The following ATIC variants were observed in gnomAD, a reference collection of about 807,000 sequenced individuals.
ATIC encodes 5-aminoimidazole-4-carboxamide ribonucleotide formyltransferase/IMP cyclohydrolase, also known as bifunctional purine biosynthesis protein ATIC.
A neutral mutation model predicts 72.5 loss-of-function variants in ATIC; 64 were observed. The ratio of observed to expected loss-of-function variants is 0.88; its 90% CI spans 0.72 to 1.09. The LOEUF is 1.09. ATIC is among the 50% of genes least tolerant of loss of function. The probability of loss-of-function intolerance (pLI) is 0.00; values close to 1 mark genes in which losing one functional copy is unlikely to be tolerated. For missense variants in ATIC, 787 were observed against 732.4 expected, an observed-to-expected ratio of 1.07 and a Z score of -0.86; for synonymous variants, 281 against 267.1, an observed-to-expected ratio of 1.05 and a Z score of -0.51.
Position 215,344,830 on chromosome 2 carries a change from T to C in ATIC, c.1279T>C (p.Tyr427His). The stretch of plus-strand genomic sequence containing the variant: ...CATCGTAGCCACCATTGCTGTCAAG[T>C]ACACTCAGTCTAACTCTGTGTGCTA... ...DLIVATIAVK[Y>H]TQSNSVCYAK... Residue 427 changes from tyrosine (Y) to histidine (H), a missense_variant, in exon 13 of 16, where the codon TAC becomes CAC. Transcript: ENST00000236959. 1 of 1,614,124 alleles carries C rather than the reference T, an allele frequency of 6.2e-7. No homozygotes were observed. Among genetic ancestry groups the C allele is most frequent in the Non-Finnish European group, 8.5e-7 (1 of 1,180,012 alleles).
At chr2:215,323,680 T>C (rs1293341346) in intron 4 of ATIC, among the ~76,000 whole-genome samples, 2 of 152,238 alleles carry the variant, frequency 1.3e-5, no homozygotes, top group African/African-American at 4.8e-5. Flanking sequence ...TTCTTTCCAG[T>C]CCTGATGCCT....
chr2:215,317,214 T>G (rs1442354132), intron 2 of ATIC, among the ~76,000 whole-genome samples: 1 of 152,224 alleles, frequency 6.6e-6, no homozygotes, highest in Non-Finnish European at 1.5e-5. Context: ...CTTTGTCACA[T>G]TGTGTGATTA....
intron 12 of ATIC, among the ~76,000 whole-genome samples, chr2:215,342,383 G>A (rs2053028442): frequency 6.6e-6 from 1 of 152,146 alleles, no homozygotes; most frequent in Non-Finnish European, 1.5e-5. Context: ...GATAAAAGTT[G>A]TAGATTCATA....
intron 2 of ATIC, among the ~76,000 whole-genome samples, chr2:215,317,083 A>G (rs1176206915): frequency 2.0e-5 from 3 of 152,096 alleles, no homozygotes; most frequent in African/African-American, 7.2e-5. Flanking sequence ...TTTTTCTTAT[A>G]TATTGTGGGC....
the ATIC span, chr2:215,360,950 A>G: frequency 6.5e-6 from 1 of 154,256 alleles, no homozygotes; most frequent in South Asian, 2.0e-4. Flanking sequence ...ATCACCCACC[A>G]TAATTATACC....
chr2:215,366,532 G>C, the ATIC span, among the ~76,000 whole-genome samples: 2 of 152,202 alleles, frequency 1.3e-5, no homozygotes, highest in African/African-American at 4.8e-5. Context: ...TGGTTCTGTG[G>C]AATATCTAAA....
downstream of ATIC, among the ~76,000 whole-genome samples, chr2:215,350,336 T>C (rs970431379): frequency 1.3e-5 from 2 of 152,156 alleles, no homozygotes; most frequent in Non-Finnish European, 2.9e-5. Context: ...GGTTTCACCA[T>C]GTTGGTCAGG....
At chr2:215,361,749 G>C in the ATIC span, 1 of 1,018,216 alleles carries the variant, frequency 9.8e-7, no homozygotes, top group African/African-American at 1.6e-5. Flanking sequence ...TTTCTTCCTA[G>C]TTTCAAGAAC....
At chr2:215,318,882 CT>C (rs2052737993) in intron 3 of ATIC, among the ~76,000 whole-genome samples, 1 of 150,798 alleles carries the variant, frequency 6.6e-6, no homozygotes. Flanking sequence ...AAATATATCT[CT>C]CTTTTTTTTT....
intron 13 of ATIC, 27 bp from the exon 14 acceptor site, chr2:215,346,732 G>C: frequency 6.2e-7 from 1 of 1,612,476 alleles, no homozygotes; most frequent in African/African-American, 1.3e-5. Flanking sequence ...TGGAAGAGGT[G>C]TTCACTTTAA....
chr2:215,361,862 T>TG, the ATIC span: 1 of 961,116 alleles, frequency 1.0e-6, no homozygotes, highest in Non-Finnish European at 1.4e-6. Context: ...TTATGAGTTG[T>TG]TTTTTTTTTT....
the ATIC span, chr2:215,368,078 T>G: frequency 6.3e-6 from 10 of 1,583,514 alleles, no homozygotes; most frequent in African/African-American, 6.7e-5. Context: ...TTAATCGATT[T>G]GGACCATAAG....
Position 215,346,768 on chromosome 2 carries a change from A to T in ATIC, c.1330A>T (p.Ile444Phe), listed in dbSNP as rs765583550. The T allele has an allele frequency of 6.2e-7, 1 of 1,614,170 alleles. No individual in the cohort carries two copies. Among genetic ancestry groups the T allele is most frequent in the Non-Finnish European group, 8.5e-7 (1 of 1,180,014 alleles). Residue 444 changes from isoleucine (I) to phenylalanine (F), a missense_variant, in exon 14 of 16, where the codon ATT (isoleucine) becomes TTT (phenylalanine). Ile to Phe is a conservative substitution (Grantham distance 21). Transcript: ENST00000236959. The part of the protein sequence containing the change: ...CYAKNGQVIG[I>F]GAGQQSRIHC... ...TGTCTGTGTTCCTCAGGTTATCGGC[A>T]TTGGAGCAGGACAGCAGTCTCGTAT...
chr2:215,334,496 C>T (rs1210807978), intron 9 of ATIC, among the ~76,000 whole-genome samples: 4 of 152,106 alleles, frequency 2.6e-5, no homozygotes, highest in Non-Finnish European at 5.9e-5. Context: ...GCTCTTCTAA[C>T]TTTACTACAT....
the ATIC span, among the ~76,000 whole-genome samples, chr2:215,357,267 G>A: frequency 1.9e-4 from 29 of 152,304 alleles, no homozygotes; most frequent in South Asian, 2.9e-3. Flanking sequence ...GGCCCAATGG[G>A]AGACTCCTTG....
chr2:215,319,713 T>C lies in ATIC; in HGVS notation c.272T>C (p.Leu91Pro), dbSNP rs774470167. 2 of 1,611,248 alleles carry C rather than the reference T, an allele frequency of 1.2e-6. No homozygotes were observed. Among genetic ancestry groups the C allele is most frequent in the Admixed American group, 3.3e-5 (2 of 60,018 alleles). Residue 91 changes from leucine to proline, a missense_variant, in exon 4 of 16, where the codon CTT becomes CCT. By Grantham distance (98) the Leu-to-Pro change is moderately conservative (BLOSUM62 -3). Coordinates refer to ENST00000236959, the MANE Select transcript of ATIC (RefSeq NM_004044.7). ...GAAGATAATGCTGACATGGCCAGACTTGATTTCAATCTTATAAGGTAAAAA... is the reference window on the plus strand; with the variant it reads ...GAAGATAATGCTGACATGGCCAGACCTGATTTCAATCTTATAAGGTAAAAA... ...IPEDNADMAR[L>P]DFNLIRVVAC... is the part of the protein sequence containing the mutation.
intron 4 of ATIC, among the ~76,000 whole-genome samples, chr2:215,320,131 G>A (rs1021841451): frequency 5.9e-5 from 9 of 152,180 alleles, no homozygotes; most frequent in Non-Finnish European, 1.3e-4. Flanking sequence ...AGATTTTGGA[G>A]CATTTCAGAT....
chr2:215,339,015 T>A, intron 12 of ATIC, 108 bp downstream of exon 12: 1 of 1,434,046 alleles, frequency 7.0e-7, no homozygotes, highest in Non-Finnish European at 9.8e-7. Context: ...CTGGTCTGTA[T>A]GCACACGGCT....
intron 7 of ATIC, among the ~76,000 whole-genome samples, chr2:215,330,590 C>T (rs776109009): frequency 4.6e-5 from 7 of 152,102 alleles, no homozygotes; most frequent in Non-Finnish European, 8.8e-5. Context: ...TGGCATGTCT[C>T]CCCCATTACA....
Sources: allele counts gnomAD v4.1 joint callset (sites outside exome capture counted in the v4.1 genomes callset), GRCh38; gene constraint gnomAD v4.1.1; transcripts MANE v1.5; gene names NCBI Gene and HGNC (gene_info 2026-07-23, HGNC 2026-07-21).